The following VOPP1 variants were observed in gnomAD, a reference collection of about 807,000 sequenced individuals.
VOPP1 encodes the protein VOPP1 WW domain binding protein.
VOPP1 carries 8 observed loss-of-function variants against 23.5 expected under a neutral mutation model. The ratio of observed to expected loss-of-function variants is 0.34; its 90% CI spans 0.20 to 0.61. The LOEUF (loss-of-function observed/expected upper bound fraction) is 0.61. Ranked by LOEUF, VOPP1 falls within the 20% of genes least tolerant of loss-of-function variation. The pLI is 0.78. For synonymous variants in VOPP1, 83 were observed against 97.3 expected (o/e 0.85, Z 0.86); for missense variants, 174 against 238.1 (o/e 0.73, Z 1.77).
chr7:55,439,994 G>A (rs774469549), intron 4 of VOPP1, among the ~76,000 whole-genome samples: 23 of 152,204 alleles, frequency 1.5e-4, no homozygotes, highest in Admixed American at 3.3e-4. Flanking sequence ...CACTAATGCC[G>A]CTGGCTGGGG....
chr7:55,451,541 C>CA (rs899272436), intron 4 of VOPP1, among the ~76,000 whole-genome samples: 1 of 152,184 alleles, frequency 6.6e-6, no homozygotes, highest in Non-Finnish European at 1.5e-5. Context: ...CCTGTAATCC[C>CA]AGCACTTTGG....
chr7:55,565,829 G>A (rs1203184319), intron 1 of VOPP1, among the ~76,000 whole-genome samples: 18 of 152,152 alleles, frequency 1.2e-4, no homozygotes, highest in Non-Finnish European at 2.9e-5. Flanking sequence ...GATGCTGCCA[G>A]TCAGACCACA....
At chr7:55,534,339 G>A (rs548324427) in intron 1 of VOPP1, among the ~76,000 whole-genome samples, 7 of 152,100 alleles carry the variant, frequency 4.6e-5, no homozygotes, top group Admixed American at 1.3e-4. Flanking sequence ...CTAAACCCTC[G>A]GGTCTCAGCT....
At chr7:55,497,757 C>T in intron 2 of VOPP1, 67 bp from the exon 3 acceptor site, 1 of 1,404,008 alleles carries the variant, frequency 7.1e-7, no homozygotes, top group Non-Finnish European at 1.0e-6. Context: ...CCATGCGGCC[C>T]AGGCTGGGCT....
At chr7:55,493,696 C>T (rs541074075) in intron 3 of VOPP1, among the ~76,000 whole-genome samples, 32 of 152,088 alleles carry the variant, frequency 2.1e-4, no homozygotes, top group Non-Finnish European at 4.1e-4. Context: ...AGGTGAGGGG[C>T]CCCCCGACCC....
At chr7:55,481,546 G>A (rs1030664242) in intron 4 of VOPP1, among the ~76,000 whole-genome samples, 20 of 152,232 alleles carry the variant, frequency 1.3e-4, no homozygotes, top group African/African-American at 4.8e-4. Flanking sequence ...GTGGGGCCTG[G>A]AAAGAGGGCG....
In VOPP1 at chr7:55,516,087, C is replaced by G. The variant is rs528282425; in HGVS notation, c.113+4985G>C. 136 of 850,628 alleles carry G rather than the reference C, an allele frequency of 1.6e-4. 1 individual carries two copies. In the Middle Eastern group the frequency reaches 9.0e-3, roughly 56 times the overall value. 52.7% of individuals were successfully genotyped at this position (850,628 alleles called of 1,614,324 possible). On this transcript the variant is annotated intron_variant, in intron 2 of 4. Transcript: ENST00000285279. ...AGGGGCGGGAGCTGCTGAGGCCACA[C>G]AGCCACTTGCTATTTTTAAATCACA...
At chr7:55,557,995 T>C (rs539746152) in intron 1 of VOPP1, among the ~76,000 whole-genome samples, 287 of 152,298 alleles carry the variant, frequency 1.9e-3, no homozygotes, top group African/African-American at 6.0e-3. Flanking sequence ...CTGTGGGGCA[T>C]TGCAAGTACA....
intron 1 of VOPP1, among the ~76,000 whole-genome samples, chr7:55,526,271 G>A (rs377383653): frequency 6.6e-6 from 1 of 152,216 alleles, no homozygotes; most frequent in Non-Finnish European, 1.5e-5. Context: ...GCTCAAGGAG[G>A]ACTCTGGACG....
chr7:55,537,763 C>T (rs776235215), intron 1 of VOPP1: 44 of 1,348,774 alleles, frequency 3.3e-5, no homozygotes, highest in Non-Finnish European at 3.1e-5. Flanking sequence ...GGTCCGGCCC[C>T]CAGGCCCAGG....
chr7:55,550,612 G>A (rs558075916), intron 1 of VOPP1, among the ~76,000 whole-genome samples: 38 of 152,156 alleles, frequency 2.5e-4, no homozygotes, highest in Admixed American at 2.1e-3. Flanking sequence ...ATATAAAAAC[G>A]GGAACAAATT....
chr7:55,565,031 G>T (rs1798119358), intron 1 of VOPP1, among the ~76,000 whole-genome samples: 1 of 152,160 alleles, frequency 6.6e-6, no homozygotes, highest in Non-Finnish European at 1.5e-5. Flanking sequence ...CTGGTCTGAG[G>T]ACATTGTTCT....
chr7:55,483,489 C>T lies in VOPP1; in HGVS notation c.328+8793G>A, dbSNP rs1161796704. ...CCATGAACTCTGGGCCCAGGAAGGA[C>T]CCCATCCCTGCTCTGTCCTCACCAT... On this transcript the variant is annotated intron_variant, in intron 4 of 4. Coordinates refer to ENST00000285279, the MANE Select transcript of VOPP1 (RefSeq NM_030796.5). Among the ~76,000 whole-genome samples the T allele has an allele frequency of 3.3e-5, 5 of 152,146 alleles. No homozygotes were observed. In the East Asian group the frequency reaches 9.6e-4, roughly 29 times the overall value.
chr7:55,532,909 ACTTT>A (rs1796576193), intron 1 of VOPP1, among the ~76,000 whole-genome samples: 1 of 152,218 alleles, frequency 6.6e-6, no homozygotes, highest in Non-Finnish European at 1.5e-5. Context: ...TGCTTAGAAG[ACTTT>A]CTATTTCTTG....
intron 1 of VOPP1, among the ~76,000 whole-genome samples, chr7:55,539,883 G>A (rs1454006447): frequency 6.9e-6 from 1 of 144,980 alleles, no homozygotes; most frequent in East Asian, 2.1e-4. Flanking sequence ...ACAAACGGGC[G>A]CATAACATAA....
chr7:55,553,221 C>A (rs1404565), intron 1 of VOPP1, among the ~76,000 whole-genome samples: 2 of 152,234 alleles, frequency 1.3e-5, no homozygotes, highest in Non-Finnish European at 2.9e-5. Flanking sequence ...GCTGCAGTTC[C>A]TCTGTTATAC....
chr7:55,468,333 A>T (rs965194938), downstream of VOPP1, among the ~76,000 whole-genome samples: 3 of 151,162 alleles, frequency 2.0e-5, no homozygotes, highest in Non-Finnish European at 4.4e-5. Flanking sequence ...CCTGAGGAGG[A>T]GAGGAGAACA....
intron 1 of VOPP1, among the ~76,000 whole-genome samples, chr7:55,536,352 A>G (rs1796788689): frequency 6.6e-6 from 1 of 152,138 alleles, no homozygotes. Context: ...AACATGGTGA[A>G]ACCCCGTCTC....
chr7:55,537,706 C>G (rs1012887293), intron 1 of VOPP1: 2 of 1,432,274 alleles, frequency 1.4e-6, no homozygotes, highest in African/African-American at 2.9e-5. Flanking sequence ...CCATGGAGGA[C>G]GCTACAAGGA....
Sources: allele counts gnomAD v4.1 joint callset (sites outside exome capture counted in the v4.1 genomes callset), GRCh38; gene constraint gnomAD v4.1.1; transcripts MANE v1.5; gene names NCBI Gene and HGNC (gene_info 2026-07-23, HGNC 2026-07-21).